Variants in PTPRU observed in about 807,000 individuals in gnomAD.
PTPRU encodes the protein receptor-type tyrosine-protein phosphatase U.
In PTPRU, 69 loss-of-function variants were observed where a neutral mutation model predicts 166.3. That is an observed-to-expected ratio of 0.41 (90% CI 0.34 to 0.51). The LOEUF is 0.51. Ranked by LOEUF, PTPRU falls within the 20% of genes least tolerant of loss-of-function variation. The pLI, the probability that PTPRU is intolerant of heterozygous loss-of-function variation, is 0.09. For missense variants in PTPRU, 1,657 were observed against 2,013.7 expected (o/e 0.82, Z 3.39); for synonymous variants, 793 against 814.0 (o/e 0.97, Z 0.44).
intron 26 of PTPRU, among the ~76,000 whole-genome samples, chr1:29,321,437 T>A (rs1442752562): frequency 6.6e-6 from 1 of 152,138 alleles, no homozygotes; most frequent in African/African-American, 2.4e-5. Context: ...AAGGCTTCAG[T>A]GAGAAAATTA....
intron 18 of PTPRU, among the ~76,000 whole-genome samples, chr1:29,306,517 G>A (rs1261482854): frequency 6.6e-6 from 1 of 152,202 alleles, no homozygotes; most frequent in Non-Finnish European, 1.5e-5. Flanking sequence ...GCAAGTGCAG[G>A]CCAGGAGAGA....
intron 8 of PTPRU, 68 bp from the exon 9 acceptor site, chr1:29,278,944 G>A (rs1434234757): frequency 1.5e-6 from 2 of 1,298,068 alleles, no homozygotes; most frequent in African/African-American, 1.5e-5. Context: ...GGCAAGGCTG[G>A]AATTTAAACC....
At chr1:29,250,543 A>G (rs1338691614) in intron 1 of PTPRU, among the ~76,000 whole-genome samples, 3 of 152,166 alleles carry the variant, frequency 2.0e-5, no homozygotes, top group Admixed American at 1.3e-4. Flanking sequence ...AAATAATACT[A>G]CCTACCTTCT....
At chr1:29,321,259 TCGAACACCTGGCCTC>T (rs1218956615) in intron 26 of PTPRU, among the ~76,000 whole-genome samples, 7 of 149,478 alleles carry the variant, frequency 4.7e-5, no homozygotes, top group African/African-American at 1.7e-4. Flanking sequence ...TGGACTGGTC[TCGAACACCTGGCCTC>T]AAGTGATCCT....
intron 14 of PTPRU, 136 bp downstream of exon 14, chr1:29,285,005 C>G: frequency 8.3e-7 from 1 of 1,207,586 alleles, no homozygotes; most frequent in Non-Finnish European, 1.1e-6. Flanking sequence ...TGGGCATCGC[C>G]TCTACAGATG....
chr1:29,259,713 G>C, intron 5 of PTPRU, 149 bp downstream of exon 5: 3 of 1,259,244 alleles, frequency 2.4e-6, no homozygotes, highest in Non-Finnish European at 3.2e-6. Context: ...TCTGCTCTGC[G>C]CTTTCTTGGG....
At chr1:29,302,979 G>T (rs886169310) in intron 15 of PTPRU, among the ~76,000 whole-genome samples, 2 of 152,168 alleles carry the variant, frequency 1.3e-5, no homozygotes, top group African/African-American at 4.8e-5. Flanking sequence ...AGGCTATGCC[G>T]TGCAGCCCAG....
chr1:29,283,908 A>G, intron 12 of PTPRU, 32 bp from the exon 13 acceptor site: 2 of 1,613,870 alleles, frequency 1.2e-6, no homozygotes, highest in Non-Finnish European at 1.7e-6. Context: ...TCGGGGCTTC[A>G]GCAACGCTGA....
chr1:29,323,621 CT>C lies in PTPRU; in HGVS notation c.3955-9del, dbSNP rs1303354521. The C allele has an allele frequency of 6.2e-7, 1 of 1,613,886 alleles. No homozygotes were observed. Among genetic ancestry groups the C allele is most frequent in the Non-Finnish European group, 8.5e-7 (1 of 1,179,872 alleles). On this transcript the variant is annotated splice_polypyrimidine_tract_variant and intron_variant, in intron 27 of 29. Coordinates refer to ENST00000373779, the MANE Select transcript of PTPRU (RefSeq NM_133178.4). ...TCATGTCCTCCCTGGCTGGCTGCCC[CT>C]GTCCCCAGTTGCAGGAGGGGCACCT...
chr1:29,311,227 C>T lies in PTPRU; in HGVS notation c.2858-229C>T, dbSNP rs576813378. On this transcript the variant is annotated intron_variant, in intron 19 of 29. Transcript: ENST00000373779. The surrounding 1 kb of genome is among the most constrained non-coding windows in gnomAD (Gnocchi z 4.1). ...AACCATCTGGTCCTCCTCCAGGGTC[C>T]CATTCAGGATGAGCGGGCTCTTTAG... The T allele has an allele frequency of 4.1e-4, 247 of 595,968 alleles. 2 individuals carry two copies. In the East Asian group the frequency reaches 6.8e-3, roughly 16 times the overall value. 36.9% of individuals were successfully genotyped at this position (595,968 alleles called of 1,614,324 possible). A position where few individuals can be genotyped will look rare whatever the true frequency, so the allele number is the denominator to read the frequency against.
rs1273668531 is a variant in PTPRU at position 29,283,177 on chromosome 1, C to T, written c.2142+228C>T. 3.7e-5 allele frequency among the ~76,000 whole-genome samples: 5 copies of T among 136,794 alleles called. No homozygotes were observed. In the East Asian group the frequency reaches 1.1e-3, roughly 30 times the overall value. 89.7% of individuals were successfully genotyped at this position (136,794 alleles called of 152,430 possible). A position where few individuals can be genotyped will look rare whatever the true frequency, so the allele number is the denominator to read the frequency against. On this transcript the variant is annotated intron_variant, in intron 12 of 29. Coordinates refer to ENST00000373779, the MANE Select transcript of PTPRU (RefSeq NM_133178.4). ...TGGCCCCACAGTTCCTCCCCCATAACCTTGCCCCTCCCATAGCCCTGCCTC... is the reference window on the plus strand; with the variant it reads ...TGGCCCCACAGTTCCTCCCCCATAATCTTGCCCCTCCCATAGCCCTGCCTC...
intron 15 of PTPRU, among the ~76,000 whole-genome samples, chr1:29,297,986 G>A (rs199901542): frequency 5.9e-5 from 9 of 152,152 alleles, no homozygotes; most frequent in African/African-American, 7.2e-5. Context: ...TGCTAGGCGC[G>A]GTGGCTCACA....
intron 7 of PTPRU, among the ~76,000 whole-genome samples, chr1:29,268,872 A>G (rs1685416446): frequency 6.6e-6 from 1 of 152,174 alleles, no homozygotes; most frequent in African/African-American, 2.4e-5. Context: ...GTGGGTCAAG[A>G]ACCCAGGTTT....
intron 18 of PTPRU, chr1:29,305,731 A>T (rs1687360729): frequency 1.8e-6 from 1 of 549,162 alleles, no homozygotes; most frequent in African/African-American, 1.9e-5. Context: ...GGAGAATGGG[A>T]TTCTCATCGT....
At chr1:29,240,505 G>C (rs919553248) in intron 1 of PTPRU, among the ~76,000 whole-genome samples, 1 of 152,106 alleles carries the variant, frequency 6.6e-6, no homozygotes, top group Non-Finnish European at 1.5e-5. Context: ...GAAGAACCAG[G>C]TTTCCCTCCA....
In PTPRU at chr1:29,306,980, C is replaced by CAGCCT. The variant is rs1687419190; in HGVS notation, c.2820+1556_2820+1557insTAGCC. The CAGCCT allele has an allele frequency of 3.7e-6, 3 of 811,310 alleles. No homozygotes were observed. In the Admixed American group the frequency reaches 7.6e-5, roughly 20 times the overall value. 50.3% of individuals were successfully genotyped at this position (811,310 alleles called of 1,614,324 possible). Reference sequence around the variant, plus strand: ...ACATGCCACTCCCCACTCTGTGGCTCAGCCCAGCCCGGCCTGCCCGTCTCC... The same window carrying CAGCCT: ...ACATGCCACTCCCCACTCTGTGGCTCAGCCTAGCCCAGCCCGGCCTGCCCGTCTCC... On this transcript the variant is annotated intron_variant, in intron 18 of 29. Transcript: ENST00000373779.
Position 29,253,868 on chromosome 1 carries a change from A to G in PTPRU, c.74-1407A>G, listed in dbSNP as rs914394291. On this transcript the variant is annotated intron_variant, in intron 1 of 29. Transcript: ENST00000373779. ...GCTGCTATTTCCTGAGTGCTTAAGT[A>G]TGCTAGGCGTTGTGCTAAGTGGGCT... 8.5e-5 allele frequency among the ~76,000 whole-genome samples: 13 copies of G among 152,192 alleles called. No individual in the cohort carries two copies. In the South Asian group the frequency reaches 2.3e-3, roughly 27 times the overall value.
chr1:29,254,593 G>C (rs1368603575), intron 1 of PTPRU, among the ~76,000 whole-genome samples: 2 of 152,222 alleles, frequency 1.3e-5, no homozygotes, highest in African/African-American at 4.8e-5. Flanking sequence ...AGGAAAAATA[G>C]TGGTGCCTGA....
chr1:29,253,368 C>T (rs1217707939), intron 1 of PTPRU, among the ~76,000 whole-genome samples: 2 of 152,026 alleles, frequency 1.3e-5, no homozygotes, highest in African/African-American at 2.4e-5. Flanking sequence ...TTGGCCTTTC[C>T]GTGGCATTCC....
Sources: gnomAD v4.1 joint callset for allele counts (sites outside exome capture counted in the v4.1 genomes callset) on GRCh38, gnomAD v4.1.1 for gene constraint, Gnocchi (gnomAD v3.1) non-coding constraint, MANE v1.5 for transcripts, NCBI Gene and HGNC (gene_info 2026-07-23, HGNC 2026-07-21) for gene names.